HDAC2: variants seen among roughly 807,000 people sequenced by gnomAD.
HDAC2 encodes histone deacetylase 2.
HDAC2 carries 5 observed loss-of-function variants against 68.5 expected under a neutral mutation model. The observed-to-expected ratio is 0.07, with a 90% CI of 0.04 to 0.15. The LOEUF (loss-of-function observed/expected upper bound fraction) is 0.15, where lower values mean the gene tolerates loss of function less well. Among genes scored for constraint, HDAC2 ranks in the 10% least tolerant of loss-of-function variants. The pLI, the probability that HDAC2 is intolerant of heterozygous loss-of-function variation, is 1.00. For missense variants in HDAC2, 291 were observed against 600.8 expected (o/e 0.48, Z 5.39); for synonymous variants, 182 against 191.3 (o/e 0.95, Z 0.40).
intron 12 of HDAC2, 81 bp downstream of exon 12, chr6:113,943,270 T>C (rs1687136911): frequency 2.6e-6 from 3 of 1,148,368 alleles, no homozygotes; most frequent in Non-Finnish European, 3.7e-6. Context: ...GCAACTGACT[T>C]CTCGATAGCA....
At chr6:113,970,376 T>G (rs1582504163) in intron 1 of HDAC2, 1 of 826,200 alleles carries the variant, frequency 1.2e-6, no homozygotes, top group East Asian at 1.2e-4. Context: ...GGGGCGGAGC[T>G]CTCGCGGCCG....
At chr6:113,965,374 T>G (rs927038300) in intron 1 of HDAC2, among the ~76,000 whole-genome samples, 3 of 151,982 alleles carry the variant, frequency 2.0e-5, no homozygotes, top group African/African-American at 7.2e-5. Context: ...TTTTGTTTTT[T>G]TTTTTGAGAC....
In HDAC2 at chr6:113,956,451, TCATAAAA is replaced by T. The variant is rs1220094058; in HGVS notation, c.358+161_358+167del. On this transcript the variant is annotated intron_variant, in intron 4 of 13. Transcript: ENST00000519065. ...AGTTTAAAAAGCGTTTAAGTCATAA[TCATAAAA>T]CATAGAGGTTTGAAAGTAAATTGTA... 3 of 602,520 alleles carry T rather than the reference TCATAAAA, an allele frequency of 5.0e-6. No homozygotes were observed. The African/African-American group carries it at 5.6e-5, about 11-fold the overall frequency. The allele number at this position is 602,520 out of a possible 1,614,324, so 37.3% of individuals were successfully genotyped here.
At chr6:113,969,700 A>G (rs1344977430) in intron 1 of HDAC2, 2 of 152,254 alleles carry the variant, frequency 1.3e-5, no homozygotes, top group African/African-American at 4.8e-5. Context: ...GGATTCGAAG[A>G]TTTAATGTTA....
intron 4 of HDAC2, 160 bp from the exon 5 acceptor site, chr6:113,956,311 A>G: frequency 1.6e-6 from 1 of 621,394 alleles, no homozygotes; most frequent in Non-Finnish European, 2.7e-6. Flanking sequence ...TACTCCTTAG[A>G]AAAATATTCT....
intron 1 of HDAC2, chr6:113,970,366 G>A (rs1323894897): frequency 4.2e-6 from 3 of 718,332 alleles, no homozygotes; most frequent in Non-Finnish European, 5.1e-6. Flanking sequence ...GGGGACGGGA[G>A]GGGCGGAGCT....
intron 1 of HDAC2, among the ~76,000 whole-genome samples, chr6:113,966,967 G>A (rs750727920): frequency 4.6e-5 from 7 of 152,036 alleles, no homozygotes; most frequent in Non-Finnish European, 7.4e-5. Flanking sequence ...CCTATTTCAC[G>A]GATAATAAAG....
At chr6:113,963,572 G>A (rs1175506330) in intron 1 of HDAC2, among the ~76,000 whole-genome samples, 1 of 152,112 alleles carries the variant, frequency 6.6e-6, no homozygotes, top group Non-Finnish European at 1.5e-5. Flanking sequence ...ACTGTTTTGA[G>A]CACCAACTTA....
At chr6:113,962,548 A>G (rs1336997346) in intron 1 of HDAC2, among the ~76,000 whole-genome samples, 1 of 152,214 alleles carries the variant, frequency 6.6e-6, no homozygotes, top group Non-Finnish European at 1.5e-5. Context: ...ACGAATACGC[A>G]TAGCTTTCAA....
chr6:113,960,283 C>A (rs893232166), intron 1 of HDAC2, among the ~76,000 whole-genome samples: 1 of 151,986 alleles, frequency 6.6e-6, no homozygotes, highest in Non-Finnish European at 1.5e-5. Flanking sequence ...TTTTTAGCTA[C>A]CCCCAATTTT....
chr6:113,961,307 A>G (rs984001748), intron 1 of HDAC2, among the ~76,000 whole-genome samples: 1 of 152,178 alleles, frequency 6.6e-6, no homozygotes, highest in Non-Finnish European at 1.5e-5. Flanking sequence ...TACATATTTG[A>G]TAACAGTACG....
At position 113,936,736 on chromosome 6, in the gene HDAC2, A is replaced by T. The variant is rs1776007457; in HGVS notation, c.*4322T>A. 6.6e-6 allele frequency: 1 copy of T among 152,564 alleles called. No individual in the cohort carries two copies. Among genetic ancestry groups the T allele is most frequent in the African/African-American group, 2.4e-5 (1 of 41,452 alleles). The allele number at this position is 152,564 out of a possible 1,614,324, so 9.5% of individuals were successfully genotyped here. On this transcript the variant is annotated 3_prime_UTR_variant, in exon 14 of 14. Coordinates refer to ENST00000519065, the MANE Select transcript of HDAC2 (RefSeq NM_001527.4). ...GCCAGGCGCGGTGGCTCATGCTTGT[A>T]ATCCCAGCACTTTGGGAGGCCCAGG...
At chr6:113,963,413 G>C (rs911136841) in intron 1 of HDAC2, among the ~76,000 whole-genome samples, 1 of 152,128 alleles carries the variant, frequency 6.6e-6, no homozygotes, top group Non-Finnish European at 1.5e-5. Context: ...AAAAGGCTAA[G>C]AAGTTTTAAG....
At chr6:113,941,539 T>C (rs1288235824) in intron 13 of HDAC2, among the ~76,000 whole-genome samples, 169 bp downstream of exon 13, 2 of 152,108 alleles carry the variant, frequency 1.3e-5, no homozygotes, top group African/African-American at 2.4e-5. Context: ...ATAGGTAAGA[T>C]GGCATATGTT....
Position 113,939,040 on chromosome 6 carries a change from C to T in HDAC2, c.*2018G>A, listed in dbSNP as rs879259137. ...ATGAACTATACTTAACATGTGTCAA[C>T]AGGGGTAGATCAGAATATTAAATGA... On this transcript the variant is annotated 3_prime_UTR_variant, in exon 14 of 14. Transcript: ENST00000519065. 1.3e-5 allele frequency: 2 copies of T among 152,172 alleles called. No homozygotes were observed. The highest frequency in any genetic ancestry group is 2.9e-5 in the Non-Finnish European group (2 of 68,046). The allele number at this position is 152,172 out of a possible 1,614,324, so 9.4% of individuals were successfully genotyped here.
At chr6:113,969,173 TCTCCACCC>T (rs2114626458) in intron 1 of HDAC2, among the ~76,000 whole-genome samples, 1 of 152,336 alleles carries the variant, frequency 6.6e-6, no homozygotes, top group East Asian at 1.9e-4. Context: ...TGTATTTCCA[TCTCCACCC>T]CTCCACGATG....
At chr6:113,968,958 TTC>T (rs1244147964) in intron 1 of HDAC2, among the ~76,000 whole-genome samples, 3 of 152,130 alleles carry the variant, frequency 2.0e-5, no homozygotes, top group African/African-American at 7.2e-5. Flanking sequence ...AACTGACAGC[TTC>T]GAGAAGGACC....
intron 1 of HDAC2, among the ~76,000 whole-genome samples, chr6:113,964,987 T>C (rs1200351794): frequency 6.6e-6 from 1 of 152,236 alleles, no homozygotes; most frequent in African/African-American, 2.4e-5. Flanking sequence ...TATTTCTATC[T>C]AAAATGCAAC....
chr6:113,941,168 C>A, intron 13 of HDAC2, 80 bp from the exon 14 acceptor site: 1 of 984,158 alleles, frequency 1.0e-6, no homozygotes, highest in Non-Finnish European at 1.6e-6. Context: ...TTGATCAGGT[C>A]CTGTAGGCTC....
Sources: allele counts gnomAD v4.1 joint callset (sites outside exome capture counted in the v4.1 genomes callset), GRCh38; gene constraint gnomAD v4.1.1; transcripts MANE v1.5; gene names NCBI Gene and HGNC (gene_info 2026-07-23, HGNC 2026-07-21).